SV2B: variants seen among roughly 807,000 people sequenced by gnomAD.
SV2B encodes synaptic vesicle glycoprotein 2B.
Under a neutral mutation model 73.9 loss-of-function variants are expected in SV2B, and 41 were observed. The observed-to-expected ratio is 0.56, with a 90% CI of 0.43 to 0.72. SV2B has a LOEUF of 0.72. Among genes scored for constraint, SV2B ranks in the 30% least tolerant of loss-of-function variants. SV2B has a pLI of 0.00. For synonymous variants in SV2B, 314 were observed against 314.2 expected (o/e 1.00, Z 0.01); for missense variants, 764 against 857.8 (o/e 0.89, Z 1.37).
At chr15:91,151,226 A>C (rs1567294026) in intron 1 of SV2B, among the ~76,000 whole-genome samples, 1 of 152,232 alleles carries the variant, frequency 6.6e-6, no homozygotes, top group Admixed American at 6.5e-5. Flanking sequence ...CAAAAGCACA[A>C]CCATCTGAAG....
At position 91,261,440 on chromosome 15, in the gene SV2B, TA is replaced by T. The variant is rs2047906352; in HGVS notation, c.1008+1033del. Among the ~76,000 whole-genome samples the T allele has an allele frequency of 6.6e-6, 1 of 152,242 alleles. No homozygotes were observed. Among genetic ancestry groups the T allele is most frequent in the Non-Finnish European group, 1.5e-5 (1 of 68,038 alleles). On this transcript the variant is annotated intron_variant, in intron 6 of 12. Transcript: ENST00000394232. The surrounding 1 kb of genome is among the most constrained non-coding windows in gnomAD (Gnocchi z 4.7). Reference sequence around the variant, plus strand: ...GTTACAAACATTAACATGGTTTTCCTAACATGTCTCTAATGTTAGAAGCTTG... The same window carrying T: ...GTTACAAACATTAACATGGTTTTCCTACATGTCTCTAATGTTAGAAGCTTG...
At chr15:91,248,775 A>G (rs1046081787) in intron 2 of SV2B, among the ~76,000 whole-genome samples, 9 of 152,218 alleles carry the variant, frequency 5.9e-5, no homozygotes, top group African/African-American at 2.2e-4. Flanking sequence ...GGATCAGTAT[A>G]TGATTTTAAC....
At chr15:91,131,285 C>T (rs2042639688) in intron 1 of SV2B, among the ~76,000 whole-genome samples, 1 of 150,130 alleles carries the variant, frequency 6.7e-6, no homozygotes, top group Non-Finnish European at 1.5e-5. Flanking sequence ...GCACCCAGTC[C>T]AGGGAAAAGG....
At chr15:91,200,577 G>C (rs115401192) in intron 1 of SV2B, among the ~76,000 whole-genome samples, 2,054 of 152,216 alleles carry the variant, frequency 0.013, 60 homozygotes, top group African/African-American at 0.047. Flanking sequence ...GCATGAGAAG[G>C]TCAGATGGTG....
chr15:91,263,098 A>G (rs1057433228), intron 6 of SV2B, among the ~76,000 whole-genome samples: 2 of 152,204 alleles, frequency 1.3e-5, no homozygotes, highest in Non-Finnish European at 2.9e-5. Context: ...AGACACGGAG[A>G]CACACATAGA....
intron 2 of SV2B, among the ~76,000 whole-genome samples, 185 bp downstream of exon 2, chr15:91,226,899 A>G (rs1420953528): frequency 6.6e-6 from 1 of 152,148 alleles, no homozygotes; most frequent in Non-Finnish European, 1.5e-5. Context: ...ATTGGAGCTT[A>G]GGTTTCTATT....
In SV2B at chr15:91,221,693, G is replaced by GCGCGCGCGCACACACACA. The variant is rs370290337; in HGVS notation, c.-391-4179_-391-4178insGCGCGCGCACACACACAC. Among the ~76,000 whole-genome samples the GCGCGCGCGCACACACACA allele has an allele frequency of 6.9e-3, 971 of 140,136 alleles. 6 individuals carry two copies. The highest frequency in any genetic ancestry group is 0.021 in the African/African-American group (746 of 35,798). The allele number at this position is 140,136 out of a possible 152,430, so 91.9% of individuals were successfully genotyped here. ...CTGTGGACTATTACCAAGCATGTGC[G>GCGCGCGCGCACACACACA]CACACACACACACACACACACACAC... is the stretch of plus-strand genomic sequence containing the variant. On this transcript the variant is annotated intron_variant, in intron 1 of 12. Transcript: ENST00000394232.
At chr15:91,126,293 G>A (rs2042480332) in intron 1 of SV2B, among the ~76,000 whole-genome samples, 1 of 152,204 alleles carries the variant, frequency 6.6e-6, no homozygotes, top group South Asian at 2.1e-4. Flanking sequence ...GTGTTCCTGA[G>A]CCTCCATCCA....
intron 1 of SV2B, among the ~76,000 whole-genome samples, chr15:91,201,185 T>C (rs2045447304): frequency 6.6e-6 from 1 of 152,186 alleles, no homozygotes; most frequent in Non-Finnish European, 1.5e-5. Context: ...GGGAAGCAAG[T>C]GTCCAGTCCA....
rs1289811919 is a variant in SV2B, at chr15:91,197,189, A to G, written c.-391-28684A>G. ...ATTAACAAAAAGAAATGCTGTGATCATTGTTTTGTTTTTGTGTTTTTTTTG... is the reference window on the plus strand; with the variant it reads ...ATTAACAAAAAGAAATGCTGTGATCGTTGTTTTGTTTTTGTGTTTTTTTTG... On this transcript the variant is annotated intron_variant, in intron 1 of 12. Coordinates refer to ENST00000394232, the MANE Select transcript of SV2B (RefSeq NM_001323032.3). The surrounding 1 kb of genome is among the most constrained non-coding windows in gnomAD (Gnocchi z 4.9). Among the ~76,000 whole-genome samples the G allele has an allele frequency of 1.3e-5, 2 of 151,866 alleles. No homozygotes were observed. The highest frequency in any genetic ancestry group is 2.9e-5 in the Non-Finnish European group (2 of 67,984).
intron 1 of SV2B, among the ~76,000 whole-genome samples, chr15:91,190,189 A>G (rs1312666046): frequency 6.6e-6 from 1 of 152,182 alleles, no homozygotes; most frequent in African/African-American, 2.4e-5. Context: ...TTACATATGT[A>G]TACATGTGCC....
intron 5 of SV2B, among the ~76,000 whole-genome samples, chr15:91,259,899 G>A (rs2047846299): frequency 6.6e-6 from 1 of 152,128 alleles, no homozygotes; most frequent in Non-Finnish European, 1.5e-5. Flanking sequence ...TCCGAATAAA[G>A]TCACTCTCTG....
chr15:91,153,046 A>G (rs1325407508), intron 1 of SV2B, among the ~76,000 whole-genome samples: 6 of 152,088 alleles, frequency 3.9e-5, no homozygotes, highest in African/African-American at 1.4e-4. Context: ...CATGTGATGG[A>G]AATGGTGAAC....
At position 91,136,702 on chromosome 15, in the gene SV2B, G is replaced by C. The variant is rs2042838732; in HGVS notation, c.-392+36339G>C. On this transcript the variant is annotated intron_variant, in intron 1 of 12. Coordinates refer to ENST00000394232, the MANE Select transcript of SV2B (RefSeq NM_001323032.3). The surrounding 1 kb of genome is among the most constrained non-coding windows in gnomAD (Gnocchi z 5.6). ...AGTTGTCAGCAGATCTGTCTCTTGG[G>C]AGCGGGAATGGGGTGGCTTCCTTCC... Among the ~76,000 whole-genome samples, 1 of 152,182 alleles carries C rather than the reference G, an allele frequency of 6.6e-6. No homozygotes were observed. Among genetic ancestry groups the C allele is most frequent in the South Asian group, 2.1e-4 (1 of 4,832 alleles).
rs1200248387 is a variant in SV2B, at chr15:91,227,409, G to A, written c.451+695G>A. ...GAGGATTTGTGAAATTAGAGAGACGGTGTGCACAAATGGTGTGATGTAGAA... is the reference window on the plus strand; with the variant it reads ...GAGGATTTGTGAAATTAGAGAGACGATGTGCACAAATGGTGTGATGTAGAA... On this transcript the variant is annotated intron_variant, in intron 2 of 12. Transcript: ENST00000394232. This position sits in a 1 kb window ranked among gnomAD's most constrained non-coding sequence, Gnocchi z 4.5. Among the ~76,000 whole-genome samples the A allele has an allele frequency of 1.3e-5, 2 of 152,192 alleles. No homozygotes were observed. Among genetic ancestry groups the A allele is most frequent in the Admixed American group, 6.5e-5 (1 of 15,288 alleles).
In SV2B at chr15:91,283,937, G is replaced by C; in HGVS notation, c.1508-84G>C. 2.1e-6 allele frequency: 3 copies of C among 1,411,294 alleles called. No individual in the cohort carries two copies. Among genetic ancestry groups the C allele is most frequent in the Non-Finnish European group, 3.0e-6 (3 of 1,006,266 alleles). The allele number at this position is 1,411,294 out of a possible 1,614,324, so 87.4% of individuals were successfully genotyped here. A position where few individuals can be genotyped will look rare whatever the true frequency, so the allele number is the denominator to read the frequency against. ...GGCTGGCACAGCCTGCCTACAGGAGGGGGCAGACTTCATCCCTGCCTCTGC... is the reference window on the plus strand; with the variant it reads ...GGCTGGCACAGCCTGCCTACAGGAGCGGGCAGACTTCATCCCTGCCTCTGC... On this transcript the variant is annotated intron_variant, in intron 10 of 12. Coordinates refer to ENST00000394232, the MANE Select transcript of SV2B (RefSeq NM_001323032.3). This position sits in a 1 kb window ranked among gnomAD's most constrained non-coding sequence, Gnocchi z 4.3.
intron 1 of SV2B, among the ~76,000 whole-genome samples, chr15:91,160,361 C>T (rs1428752253): frequency 2.6e-5 from 4 of 152,194 alleles, no homozygotes; most frequent in Non-Finnish European, 5.9e-5. Flanking sequence ...GTAATCTCAG[C>T]ACTTGGGAGA....
Position 91,302,163 on chromosome 15 carries a change from T to C in SV2B, c.*9611T>C, listed in dbSNP as rs1031808146. Among the ~76,000 whole-genome samples, 3 of 152,238 alleles carry C rather than the reference T, an allele frequency of 2.0e-5. No individual in the cohort carries two copies. Among genetic ancestry groups the C allele is most frequent in the Admixed American group, 6.5e-5 (1 of 15,290 alleles). ...GACTAACACAGTATTTGATACGTAG[T>C]AGGTCTCAATAGATGATGAATAGAC... On this transcript the variant is annotated 3_prime_UTR_variant, in exon 13 of 13. Coordinates refer to ENST00000394232, the MANE Select transcript of SV2B (RefSeq NM_001323032.3).
Position 91,288,858 on chromosome 15 carries a change from C to T in SV2B, c.1709-663C>T, listed in dbSNP as rs761097078. ...GGGTCTGGCTACTTTTTGTCTTTTT[C>T]GTAGAGACAGTGTTTTATCATGTTG... On this transcript the variant is annotated intron_variant, in intron 11 of 12. Coordinates refer to ENST00000394232, the MANE Select transcript of SV2B (RefSeq NM_001323032.3). The surrounding 1 kb of genome is among the most constrained non-coding windows in gnomAD (Gnocchi z 5.8). Among the ~76,000 whole-genome samples the T allele has an allele frequency of 2.9e-4, 44 of 152,096 alleles. No homozygotes were observed. The East Asian group carries it at 3.3e-3, about 11-fold the overall frequency.
Sources: allele counts gnomAD v4.1 joint callset (sites outside exome capture counted in the v4.1 genomes callset), GRCh38; gene constraint gnomAD v4.1.1; non-coding constraint Gnocchi (gnomAD v3.1); transcripts MANE v1.5; gene names NCBI Gene and HGNC (gene_info 2026-07-23, HGNC 2026-07-21).